Variants in RUBCNL observed in about 807,000 individuals in gnomAD.
RUBCNL encodes the protein rubicon like autophagy enhancer, also known as protein associated with UVRAG as autophagy enhancer.
A neutral mutation model predicts 69.5 loss-of-function variants in RUBCNL; 62 were observed. The ratio of observed to expected loss-of-function variants is 0.89; its 90% CI spans 0.73 to 1.10. RUBCNL has a LOEUF of 1.10. Among genes scored for constraint, RUBCNL ranks in the 50% least tolerant of loss-of-function variants. RUBCNL has a pLI of 0.00. For synonymous variants in RUBCNL, 291 were observed against 303.6 expected (o/e 0.96, Z 0.43); for missense variants, 768 against 798.1 (o/e 0.96, Z 0.45).
At chr13:46,344,162 G>A (rs929578995) in intron 14 of RUBCNL, among the ~76,000 whole-genome samples, 2 of 152,280 alleles carry the variant, frequency 1.3e-5, no homozygotes, top group African/African-American at 4.8e-5. Flanking sequence ...CTGCCTAAAG[G>A]GTTGGGGAGA....
At chr13:46,362,878 A>C (rs2048646383) in intron 6 of RUBCNL, among the ~76,000 whole-genome samples, 1 of 143,514 alleles carries the variant, frequency 7.0e-6, no homozygotes, top group Non-Finnish European at 1.5e-5. Flanking sequence ...CAACTCTACA[A>C]GTGAGATGAG....
chr13:46,356,357 C>A (rs2048483889), intron 10 of RUBCNL, 75 bp downstream of exon 10: 2 of 1,411,948 alleles, frequency 1.4e-6, no homozygotes, highest in Non-Finnish European at 9.8e-7. Flanking sequence ...CTCACACAAG[C>A]AATGCGCTGC....
rs1398430400 is a variant in RUBCNL, at chr13:46,362,552, G to A, written c.972C>T (p.Cys324=). 5.0e-6 allele frequency: 8 copies of A among 1,608,660 alleles called. No homozygotes were observed. The highest frequency in any genetic ancestry group is 2.7e-5 in the African/African-American group (2 of 74,824). The change falls in exon 7 of 15, where the codon TGC becomes TGT. Residue 324 remains cysteine, a synonymous_variant. Transcript: ENST00000429979. ...NDITETCSCS[C]SSSKSVTYEP... is the part of the protein sequence containing the mutation. ...AAGACAGATACCTCTTAGAGGAGCT[G>A]CAGGAACAGCTACAGGTTTCTGTGA...
intron 1 of RUBCNL, among the ~76,000 whole-genome samples, chr13:46,379,264 C>T (rs1044406710): frequency 2.6e-5 from 4 of 152,064 alleles, no homozygotes; most frequent in African/African-American, 9.7e-5. Flanking sequence ...TCTGTAGAGA[C>T]AGGGTTTCAC....
In RUBCNL at chr13:46,341,913, C is replaced by T. The variant is rs2048147420; in HGVS notation, c.*1472G>A. ...CCTTGCCTGTAAATGGAGATATAGA[C>T]ATCTGCCTCAGAAAGGAATGTGAAC... On this transcript the variant is annotated 3_prime_UTR_variant, in exon 15 of 15. Transcript: ENST00000429979. 2 of 152,228 alleles carry T rather than the reference C, an allele frequency of 1.3e-5. No individual in the cohort carries two copies. The highest frequency in any genetic ancestry group is 4.8e-5 in the African/African-American group (2 of 41,450). The allele number at this position is 152,228 out of a possible 1,614,324, so 9.4% of individuals were successfully genotyped here.
In RUBCNL at chr13:46,350,318, A is replaced by G; in HGVS notation, c.1364T>C (p.Leu455Pro). 1 of 1,561,608 alleles carries G rather than the reference A, an allele frequency of 6.4e-7. No homozygotes were observed. The highest frequency in any genetic ancestry group is 8.7e-7 in the Non-Finnish European group (1 of 1,151,164). ...GCAGCAGTCACAGAAATACTTCCCT[A>G]GGTATTCGCAGTACCGGAGCCGCTT... The part of the protein sequence containing the change: ...FVKRLRYCEY[L>P]GKYFCDCCHS... Residue 455 changes from leucine (L) to proline (P), a missense_variant, in exon 11 of 15, where the codon CTA becomes CCA. Transcript: ENST00000429979.
At chr13:46,377,372 T>C (rs2049017583) in intron 2 of RUBCNL, among the ~76,000 whole-genome samples, 1 of 152,238 alleles carries the variant, frequency 6.6e-6, no homozygotes, top group Admixed American at 6.5e-5. Flanking sequence ...CAAGCAATTC[T>C]CATGCCTCAG....
At chr13:46,387,690 T>C, upstream of RUBCNL, 1 of 985,640 alleles carries the variant, frequency 1.0e-6, no homozygotes, top group Non-Finnish European at 1.2e-6. Context: ...GAACGTGAGC[T>C]GTCTCTCTCT....
chr13:46,381,895 C>T (rs1033487022), intron 1 of RUBCNL, among the ~76,000 whole-genome samples: 4 of 152,194 alleles, frequency 2.6e-5, no homozygotes, highest in African/African-American at 7.2e-5. Context: ...GCCTTGACCT[C>T]CCGGGCTCTA....
chr13:46,363,123 A>C lies in RUBCNL; in HGVS notation c.917T>G (p.Val306Gly), dbSNP rs923265366. The change falls in exon 6 of 15, where the codon GTT becomes GGT. Residue 306 changes from valine to glycine, a missense_variant. Transcript: ENST00000429979. ...EICKCDVDEF[V>G]ILELGDFNDI... ...CAGTTTCCAAATCTTACCTAAAATA[A>C]CAAATTCATCAACATCGCATTTGCA... The C allele has an allele frequency of 4.4e-6, 7 of 1,595,602 alleles. No individual in the cohort carries two copies. Among genetic ancestry groups the C allele is most frequent in the Middle Eastern group, 1.7e-4 (1 of 6,010 alleles).
rs1427326059 is a variant in RUBCNL, at chr13:46,338,509, T to C, written c.*4876A>G. Among the ~76,000 whole-genome samples the C allele has an allele frequency of 6.6e-6, 1 of 151,972 alleles. No individual in the cohort carries two copies. Among genetic ancestry groups the C allele is most frequent in the East Asian group, 1.9e-4 (1 of 5,166 alleles). ...AGACCACAGGGCAGGGGATTCTGTC[T>C]GGGGCTCCATTTGATCTAACAGGAG... On this transcript the variant is annotated 3_prime_UTR_variant, in exon 15 of 15. Coordinates refer to ENST00000429979, the MANE Select transcript of RUBCNL (RefSeq NM_025113.5).
Position 46,337,214 on chromosome 13 carries a change from C to T in RUBCNL, c.*6171G>A, listed in dbSNP as rs981163695. On this transcript the variant is annotated 3_prime_UTR_variant, in exon 15 of 15. Transcript: ENST00000429979. ...CTGGAGTACAGTGGCGTGATCTCAG[C>T]TCACCGCAACCTTCAACTCCCTGGT... 6.6e-6 allele frequency among the ~76,000 whole-genome samples: 1 copy of T among 152,096 alleles called. No individual in the cohort carries two copies. The highest frequency in any genetic ancestry group is 2.4e-5 in the African/African-American group (1 of 41,402).
chr13:46,348,421 T>C (rs540460967), intron 12 of RUBCNL, among the ~76,000 whole-genome samples: 1 of 152,242 alleles, frequency 6.6e-6, no homozygotes, highest in South Asian at 2.1e-4. Flanking sequence ...AACTAAACCA[T>C]TCTTCTTAAT....
In RUBCNL at chr13:46,343,792, G is replaced by C. The variant is rs141055882; in HGVS notation, c.1877-295C>G. ...GCAGGCGTTTCCCCAGCTGCCAAGA[G>C]AGGTGGTGGCTGATAACTCTTGGGA... On this transcript the variant is annotated intron_variant, in intron 14 of 14. Coordinates refer to ENST00000429979, the MANE Select transcript of RUBCNL (RefSeq NM_025113.5). 2.9e-3 allele frequency among the ~76,000 whole-genome samples: 443 copies of C among 152,300 alleles called. 7 individuals carry two copies. The highest frequency in any genetic ancestry group is 1.9e-3 in the Non-Finnish European group (130 of 68,018).
chr13:46,351,664 G>A (rs1284679265), intron 10 of RUBCNL, among the ~76,000 whole-genome samples: 1 of 152,162 alleles, frequency 6.6e-6, no homozygotes, highest in Non-Finnish European at 1.5e-5. Flanking sequence ...AGCATAGGAA[G>A]TGGACATCCA....
rs140340099 is a variant in RUBCNL, at chr13:46,345,222, G to A, written c.1785+225C>T. Among the ~76,000 whole-genome samples the A allele has an allele frequency of 5.1e-4, 78 of 152,282 alleles. 1 individual carries two copies. Among genetic ancestry groups the A allele is most frequent in the Middle Eastern group, 6.8e-3 (2 of 294 alleles). On this transcript the variant is annotated intron_variant, in intron 13 of 14. Coordinates refer to ENST00000429979, the MANE Select transcript of RUBCNL (RefSeq NM_025113.5). ...CAGAGTGGGCCCTGAGCAGAACTGG[G>A]CACCCAGATGAAGTCCATTGGTCCA...
Position 46,361,538 on chromosome 13 carries a change from A to G in RUBCNL, c.1022T>C (p.Leu341Pro), listed in dbSNP as rs749470877. 12 of 1,609,466 alleles carry G rather than the reference A, an allele frequency of 7.5e-6. No homozygotes were observed. The highest frequency in any genetic ancestry group is 1.0e-5 in the Non-Finnish European group (12 of 1,177,590). Residue 341 changes from leucine (L) to proline (P), a missense_variant, in exon 8 of 15, where the codon CTA becomes CCA. Physicochemically the swap from Leu to Pro is moderately conservative, Grantham distance 98. Transcript: ENST00000429979. ...CACGCGGTACAGCTCTTTGGCTAAT[A>G]GTTCTGCAGAATTGAAGTCTGGCTC... Reference protein sequence around the residue: ...TYEPDFNSAELLAKELYRVFQ... With the variant: ...TYEPDFNSAEPLAKELYRVFQ...
At chr13:46,350,628 G>C in intron 10 of RUBCNL, 1 of 349,108 alleles carries the variant, frequency 2.9e-6, no homozygotes, top group Non-Finnish European at 5.2e-6. Flanking sequence ...ATTGCAAACT[G>C]CAGTGTAGCA....
upstream of RUBCNL, among the ~76,000 whole-genome samples, chr13:46,388,305 A>AG (rs1450896594): frequency 7.2e-6 from 1 of 139,140 alleles, no homozygotes; most frequent in African/African-American, 2.8e-5. Flanking sequence ...GAGGGAGGGA[A>AG]GAAGGAAGGA....
Sources: gnomAD v4.1 joint callset for allele counts (sites outside exome capture counted in the v4.1 genomes callset) on GRCh38, gnomAD v4.1.1 for gene constraint, MANE v1.5 for transcripts, NCBI Gene and HGNC (gene_info 2026-07-23, HGNC 2026-07-21) for gene names.